PRKAG2: variants seen among roughly 807,000 people sequenced by gnomAD.
PRKAG2 encodes 5'-AMP-activated protein kinase subunit gamma-2.
In PRKAG2, 26 loss-of-function variants were observed where a neutral mutation model predicts 69.6. The ratio of observed to expected loss-of-function variants is 0.37; its 90% CI spans 0.27 to 0.52. The LOEUF is 0.52. Ranked by LOEUF, PRKAG2 falls within the 20% of genes least tolerant of loss-of-function variation. The probability of loss-of-function intolerance (pLI) is 0.90; values close to 1 mark genes in which losing one functional copy is unlikely to be tolerated. For missense variants in PRKAG2, 557 were observed against 740.0 expected, an observed-to-expected ratio of 0.75 and a Z score of 2.87; for synonymous variants, 293 against 285.0, an observed-to-expected ratio of 1.03 and a Z score of -0.28.
At chr7:151,666,600 C>G (rs1463439868) in intron 4 of PRKAG2, among the ~76,000 whole-genome samples, 1 of 152,170 alleles carries the variant, frequency 6.6e-6, no homozygotes, top group Non-Finnish European at 1.5e-5. Flanking sequence ...TTTATGAGGT[C>G]TCTCAGTTGG....
intron 4 of PRKAG2, among the ~76,000 whole-genome samples, chr7:151,671,194 AAAAAG>A (rs1253016398): frequency 6.2e-4 from 94 of 151,536 alleles, no homozygotes; most frequent in Admixed American, 5.0e-3. Flanking sequence ...AAAAAAAAAA[AAAAAG>A]GAGTGCTGTC....
chr7:151,825,817 C>T (rs903215026), intron 1 of PRKAG2, among the ~76,000 whole-genome samples: 3 of 152,190 alleles, frequency 2.0e-5, no homozygotes, highest in Non-Finnish European at 4.4e-5. Context: ...GAGCATAAAG[C>T]TGTGTGGCTC....
intron 1 of PRKAG2, among the ~76,000 whole-genome samples, chr7:151,852,015 G>A (rs927067887): frequency 6.6e-6 from 1 of 150,798 alleles, no homozygotes; most frequent in African/African-American, 2.5e-5. Context: ...CGCCTGTCCC[G>A]TGCCTGCTCC....
intron 9 of PRKAG2, among the ~76,000 whole-genome samples, chr7:151,572,204 A>T (rs1807735403): frequency 6.6e-6 from 1 of 152,206 alleles, no homozygotes; most frequent in African/African-American, 2.4e-5. Context: ...ATCTAGTTTG[A>T]GGTTCATTTG....
intron 1 of PRKAG2, among the ~76,000 whole-genome samples, chr7:151,799,165 A>T (rs182959546): frequency 1.1e-4 from 17 of 152,298 alleles, no homozygotes; most frequent in Admixed American, 1.1e-3. Flanking sequence ...TGGCCTCAGA[A>T]ATTCTCCAAG....
At chr7:151,805,236 C>T (rs1038006063) in intron 1 of PRKAG2, among the ~76,000 whole-genome samples, 2 of 152,154 alleles carry the variant, frequency 1.3e-5, no homozygotes, top group Admixed American at 6.5e-5. Flanking sequence ...CCAGCTGCCA[C>T]GTTAGGAATC....
intron 1 of PRKAG2, among the ~76,000 whole-genome samples, chr7:151,817,186 C>T (rs567786000): frequency 1.6e-4 from 25 of 152,230 alleles, no homozygotes; most frequent in African/African-American, 5.5e-4. Flanking sequence ...CCCTGGAGGG[C>T]GGAGTCAGCT....
At chr7:151,817,018 G>T (rs2078662348) in intron 1 of PRKAG2, among the ~76,000 whole-genome samples, 1 of 152,134 alleles carries the variant, frequency 6.6e-6, no homozygotes, top group African/African-American at 2.4e-5. Flanking sequence ...CAGGGACCCA[G>T]GATCACTCAT....
In PRKAG2 at chr7:151,632,310, C is replaced by T. The variant is rs1418991533; in HGVS notation, c.685-172G>A. ...GGGGGCGGAGCGGGAGCGCTGCCCC[C>T]ACCCGCCCGAGGCCGCCGCCGCCGC... On this transcript the variant is annotated intron_variant, in intron 4 of 15. Coordinates refer to ENST00000287878, the MANE Select transcript of PRKAG2 (RefSeq NM_016203.4). This position sits in a 1 kb window ranked among gnomAD's most constrained non-coding sequence, Gnocchi z 4.2. 4 of 894,110 alleles carry T rather than the reference C, an allele frequency of 4.5e-6. No individual in the cohort carries two copies. Among genetic ancestry groups the T allele is most frequent in the Admixed American group, 6.4e-5 (1 of 15,678 alleles). 55.4% of individuals were successfully genotyped at this position (894,110 alleles called of 1,614,324 possible). A position where few individuals can be genotyped will look rare whatever the true frequency, so the allele number is the denominator to read the frequency against.
At chr7:151,688,010 AG>A (rs1310012657) in intron 3 of PRKAG2, among the ~76,000 whole-genome samples, 29 of 72,286 alleles carry the variant, frequency 4.0e-4, no homozygotes, top group Middle Eastern at 8.2e-3. Flanking sequence ...TTGGAAGGGG[AG>A]GGAGGAGGAG....
In PRKAG2 at chr7:151,814,298, C is replaced by T. The variant is rs1193313906; in HGVS notation, c.115-27757G>A. 1.5e-6 allele frequency: 1 copy of T among 683,796 alleles called. No individual in the cohort carries two copies. Among genetic ancestry groups the T allele is most frequent in the Non-Finnish European group, 1.9e-6 (1 of 519,974 alleles). 42.4% of individuals were successfully genotyped at this position (683,796 alleles called of 1,614,324 possible). On this transcript the variant is annotated intron_variant, in intron 1 of 15. Transcript: ENST00000287878. The surrounding 1 kb of genome is among the most constrained non-coding windows in gnomAD (Gnocchi z 4.8). ...AAGAGGCTCTTGGAGAACAAAGCCA[C>T]AATTCAGCATCAGTCTTACACACCA... is the stretch of plus-strand genomic sequence containing the variant.
Position 151,830,373 on chromosome 7 carries a change from C to T in PRKAG2, c.115-43832G>A, listed in dbSNP as rs556689729. ...GTGGCCCAGGGTGCACCTCTTTCCT[C>T]TCCAGGGCGCCCTGAGATGCAGGGA... is the stretch of plus-strand genomic sequence containing the variant. On this transcript the variant is annotated intron_variant, in intron 1 of 15. Coordinates refer to ENST00000287878, the MANE Select transcript of PRKAG2 (RefSeq NM_016203.4). Among the ~76,000 whole-genome samples the T allele has an allele frequency of 3.5e-4, 53 of 152,056 alleles. 1 individual carries two copies. Among genetic ancestry groups the T allele is most frequent in the African/African-American group, 1.3e-3 (53 of 41,570 alleles).
intron 1 of PRKAG2, among the ~76,000 whole-genome samples, chr7:151,863,406 C>T (rs2079985334): frequency 6.6e-6 from 1 of 152,124 alleles, no homozygotes; most frequent in Admixed American, 6.5e-5. Context: ...TGGGACAACT[C>T]TGAAGGGTCA....
At chr7:151,762,873 TGGCTGGGATAAG>T (rs936614345) in intron 3 of PRKAG2, among the ~76,000 whole-genome samples, 1 of 152,166 alleles carries the variant, frequency 6.6e-6, no homozygotes, top group African/African-American at 2.4e-5. Context: ...GACTGATGGC[TGGCTGGGATAAG>T]GGCAGGTCTG....
intron 11 of PRKAG2, chr7:151,566,719 A>T (rs1471553349): frequency 2.7e-6 from 1 of 364,908 alleles, no homozygotes; most frequent in Admixed American, 3.6e-5. Flanking sequence ...TAGAGAAAAA[A>T]AAAAAGAAAG....
intron 1 of PRKAG2, among the ~76,000 whole-genome samples, chr7:151,845,601 G>C (rs545314260): frequency 8.1e-4 from 123 of 152,258 alleles, no homozygotes; most frequent in Admixed American, 1.3e-3. Flanking sequence ...ACTGACTCGT[G>C]GGGGAGGCGC....
chr7:151,871,153 T>TG (rs2080212256), intron 1 of PRKAG2, among the ~76,000 whole-genome samples: 1 of 152,224 alleles, frequency 6.6e-6, no homozygotes, highest in South Asian at 2.1e-4. Flanking sequence ...AGCATGTCTA[T>TG]GGGGTCTATG....
chr7:151,787,480 C>A (rs570018201), intron 1 of PRKAG2, among the ~76,000 whole-genome samples: 29 of 152,206 alleles, frequency 1.9e-4, no homozygotes, highest in African/African-American at 6.0e-4. Flanking sequence ...TGTCTGACTC[C>A]ACTTAGCATA....
At chr7:151,820,595 AACACC>A (rs2078745965) in intron 1 of PRKAG2, among the ~76,000 whole-genome samples, 1 of 43,004 alleles carries the variant, frequency 2.3e-5, no homozygotes, top group African/African-American at 7.6e-5. Context: ...CTCTACTCGG[AACACC>A]GCTCCGTGGC....
Sources: gnomAD v4.1 joint callset for allele counts (sites outside exome capture counted in the v4.1 genomes callset) on GRCh38, gnomAD v4.1.1 for gene constraint, Gnocchi (gnomAD v3.1) non-coding constraint, MANE v1.5 for transcripts, NCBI Gene and HGNC (gene_info 2026-07-23, HGNC 2026-07-21) for gene names.